The following RSPH3 variants were observed in gnomAD, a reference collection of about 807,000 sequenced individuals.
RSPH3 encodes radial spoke head protein 3 homolog.
A neutral mutation model predicts 43.8 loss-of-function variants in RSPH3; 21 were observed. The observed-to-expected ratio is 0.48, with a 90% CI of 0.34 to 0.69. RSPH3 has a LOEUF of 0.69. Ranked by LOEUF, RSPH3 falls within the 30% of genes least tolerant of loss-of-function variation. The pLI, the probability that RSPH3 is intolerant of heterozygous loss-of-function variation, is 0.01. For missense variants in RSPH3, 487 were observed against 516.0 expected, an observed-to-expected ratio of 0.94 and a Z score of 0.54; for synonymous variants, 173 against 179.8, an observed-to-expected ratio of 0.96 and a Z score of 0.30.
Position 158,999,425 on chromosome 6 carries a change from G to A in RSPH3, c.116+10C>T, listed in dbSNP as rs1440288759. 1 of 1,499,880 alleles carries A rather than the reference G, an allele frequency of 6.7e-7. No individual in the cohort carries two copies. The highest frequency in any genetic ancestry group is 1.4e-5 in the African/African-American group (1 of 71,556). The allele number at this position is 1,499,880 out of a possible 1,614,324, so 92.9% of individuals were successfully genotyped here. Reference sequence around the variant, plus strand: ...GTATGGACCACACAGGGGCTGGCTTGGTCACTCACGGCTGCGTCAGGCTGT... The same window carrying A: ...GTATGGACCACACAGGGGCTGGCTTAGTCACTCACGGCTGCGTCAGGCTGT... On this transcript the variant is annotated intron_variant, in intron 1 of 7. Transcript: ENST00000367069.
chr6:158,991,132 A>G (rs370621648), intron 2 of RSPH3, among the ~76,000 whole-genome samples: 23 of 152,020 alleles, frequency 1.5e-4, no homozygotes, highest in African/African-American at 5.6e-4. Flanking sequence ...ATAATTGCTC[A>G]CTTTTCATTG....
the RSPH3 span, among the ~76,000 whole-genome samples, chr6:158,967,301 C>T: frequency 6.6e-6 from 1 of 152,076 alleles, no homozygotes; most frequent in African/African-American, 2.4e-5. Flanking sequence ...TGGCCTATTT[C>T]TGTTTCTATT....
chr6:158,964,902 A>T, the RSPH3 span, among the ~76,000 whole-genome samples: 1 of 152,110 alleles, frequency 6.6e-6, no homozygotes, highest in Non-Finnish European at 1.5e-5. Context: ...CCACAGTCAC[A>T]ATGTTTTACT....
chr6:158,993,735 T>A lies in RSPH3; in HGVS notation c.204+104A>T, dbSNP rs573980647. On this transcript the variant is annotated intron_variant, in intron 2 of 7. Coordinates refer to ENST00000367069, the MANE Select transcript of RSPH3 (RefSeq NM_031924.8). Reference sequence around the variant, plus strand: ...TTTATAGTAATTCATCTTTATTTTATGAATGTTTTAGTCTGCAACGGATTA... The same window carrying A: ...TTTATAGTAATTCATCTTTATTTTAAGAATGTTTTAGTCTGCAACGGATTA... The A allele has an allele frequency of 4.9e-6, 3 of 611,960 alleles. No individual in the cohort carries two copies. In the South Asian group the frequency reaches 7.7e-5, roughly 16 times the overall value. The allele number at this position is 611,960 out of a possible 1,614,324, so 37.9% of individuals were successfully genotyped here.
In RSPH3 at chr6:158,999,462, C is replaced by T. The variant is rs756674375; in HGVS notation, c.89G>A (p.Ser30Asn). ...CTGCGTCAGGCTGTCCCGGTAACGG[C>T]TGCGCTGGCAGGGCAGTGCTCGGGG... The part of the protein sequence containing the change: ...SRPRALPCQR[S>N]RYRDSLTQPD... The change falls in exon 1 of 8, where the codon AGC becomes AAC. Residue 30 changes from serine (S) to asparagine (N), a missense_variant. Coordinates refer to ENST00000367069, the MANE Select transcript of RSPH3 (RefSeq NM_031924.8). 4.0e-6 allele frequency: 6 copies of T among 1,515,906 alleles called. No homozygotes were observed. The highest frequency in any genetic ancestry group is 2.3e-5 in the East Asian group (1 of 43,564). 93.9% of individuals were successfully genotyped at this position (1,515,906 alleles called of 1,614,324 possible). A position where few individuals can be genotyped will look rare whatever the true frequency, so the allele number is the denominator to read the frequency against.
Position 158,978,315 on chromosome 6 carries a change from C to T in RSPH3, c.891G>A (p.Met297Ile), listed in dbSNP as rs1282803881. 1.3e-6 allele frequency: 2 copies of T among 1,563,252 alleles called. No homozygotes were observed. The highest frequency in any genetic ancestry group is 3.4e-5 in the Admixed American group (2 of 59,614). The change falls in exon 7 of 8, where the codon ATG (methionine) becomes ATA (isoleucine). Residue 297 changes from methionine (M) to isoleucine (I), a missense_variant. By Grantham distance (10) the Met-to-Ile change is conservative (BLOSUM62 1). Coordinates refer to ENST00000367069, the MANE Select transcript of RSPH3 (RefSeq NM_031924.8). ...ATTCCATGGTTTTTTCAACTTCATT[C>T]ATTAGCCATGGAAGAAATCCTATCT... is the stretch of plus-strand genomic sequence containing the variant. ...DIEIGFLPWL[M>I]NEVEKTMEYS...
In RSPH3 at chr6:158,977,467, A is replaced by G; in HGVS notation, c.*71T>C. 5 of 1,305,982 alleles carry G rather than the reference A, an allele frequency of 3.8e-6. No individual in the cohort carries two copies. Among genetic ancestry groups the G allele is most frequent in the Non-Finnish European group, 5.3e-6 (5 of 946,936 alleles). The allele number at this position is 1,305,982 out of a possible 1,614,324, so 80.9% of individuals were successfully genotyped here. A position where few individuals can be genotyped will look rare whatever the true frequency, so the allele number is the denominator to read the frequency against. ...AACATAATTTCTATAACCTGAGGGG[A>G]CTCGCACATCATTACCTGATTGCTT... On this transcript the variant is annotated 3_prime_UTR_variant, in exon 8 of 8. Coordinates refer to ENST00000367069, the MANE Select transcript of RSPH3 (RefSeq NM_031924.8).
At chr6:158,984,416 C>T (rs994318522) in intron 3 of RSPH3, among the ~76,000 whole-genome samples, 1 of 105,204 alleles carries the variant, frequency 9.5e-6, no homozygotes, top group Non-Finnish European at 1.8e-5. Flanking sequence ...CAGAGTACAA[C>T]AGTGGATAAA....
At chr6:158,965,267 T>C in the RSPH3 span, among the ~76,000 whole-genome samples, 2,704 of 152,208 alleles carry the variant, frequency 0.018, 33 homozygotes, top group Middle Eastern at 0.024. Context: ...TACTAAGGTT[T>C]CCCTGTAATT....
intron 6 of RSPH3, among the ~76,000 whole-genome samples, chr6:158,979,508 T>G (rs115502009): frequency 6.6e-6 from 1 of 152,142 alleles, no homozygotes; most frequent in African/African-American, 2.4e-5. Context: ...ATATTTCCAC[T>G]GCCTGAGGAT....
At chr6:158,970,630 C>T (rs570317858), downstream of RSPH3, among the ~76,000 whole-genome samples, 1 of 152,148 alleles carries the variant, frequency 6.6e-6, no homozygotes, top group African/African-American at 2.4e-5. Context: ...ACTGCAACCT[C>T]CGCCTCCTGG....
chr6:158,966,097 A>T, the RSPH3 span, among the ~76,000 whole-genome samples: 6 of 152,218 alleles, frequency 3.9e-5, no homozygotes, highest in East Asian at 1.2e-3. Flanking sequence ...TTCAGGGTAC[A>T]TGTGCAGATT....
rs1778117225 is a variant in RSPH3 at position 158,983,739 on chromosome 6, A to G, written c.415T>C (p.Leu139=). 1 of 1,611,408 alleles carries G rather than the reference A, an allele frequency of 6.2e-7. No individual in the cohort carries two copies. Among genetic ancestry groups the G allele is most frequent in the Non-Finnish European group, 8.5e-7 (1 of 1,177,646 alleles). Residue 139 remains leucine (L), a synonymous_variant, in exon 4 of 8, where the codon TTG becomes CTG. Transcript: ENST00000367069. ...AAGAGTGGTGTTGGTGGTCTGTCCA[A>G]AAATGCATCTGTTTGGCATTCCATA... The part of the protein sequence containing the change: ...VDMECQTDAF[L]DRPPTPLFIP...
chr6:158,985,903 T>C (rs1295982221), intron 3 of RSPH3, among the ~76,000 whole-genome samples: 4 of 149,408 alleles, frequency 2.7e-5, no homozygotes, highest in African/African-American at 4.9e-5. Context: ...AACCTCCGCC[T>C]CCCGGGTTCA....
chr6:158,982,658 C>T lies in RSPH3; in HGVS notation c.523G>A (p.Val175Met). 6.2e-7 allele frequency: 1 copy of T among 1,613,680 alleles called. No homozygotes were observed. Among genetic ancestry groups the T allele is most frequent in the Non-Finnish European group, 8.5e-7 (1 of 1,179,808 alleles). ...LFDFDLEVKP[V>M]LEVLVGKTIE... ...GTCTTCCCCACCAAAACTTCTAACACTGGTTTAACTTCAAGATCAAAGTCA... is the reference window on the plus strand; with the variant it reads ...GTCTTCCCCACCAAAACTTCTAACATTGGTTTAACTTCAAGATCAAAGTCA... Residue 175 changes from valine to methionine, a missense_variant, in exon 5 of 8, where the codon GTG becomes ATG. Val to Met is a conservative substitution (Grantham distance 21). Transcript: ENST00000367069.
In RSPH3 at chr6:158,980,955, G is replaced by C; in HGVS notation, c.697-19C>G. The C allele has an allele frequency of 6.2e-7, 1 of 1,612,656 alleles. No individual in the cohort carries two copies. Among genetic ancestry groups the C allele is most frequent in the Non-Finnish European group, 8.5e-7 (1 of 1,178,802 alleles). On this transcript the variant is annotated intron_variant, in intron 5 of 7. Transcript: ENST00000367069. Reference sequence around the variant, plus strand: ...GCCGTTCCTGCCAAGAACGACAGAGGTGGTTATTTAGCTCTTATGCCCTCC... The same window carrying C: ...GCCGTTCCTGCCAAGAACGACAGAGCTGGTTATTTAGCTCTTATGCCCTCC...
rs116570823 is a variant in RSPH3, at chr6:158,984,941, C to A, written c.347-1134G>T. 8.2e-3 allele frequency among the ~76,000 whole-genome samples: 1,245 copies of A among 152,228 alleles called. 22 individuals carry two copies. The highest frequency in any genetic ancestry group is 0.028 in the African/African-American group (1,175 of 41,514). ...AGCCATACACTCATTCTAGACTTGG[C>A]CTAAAGGCAGGGGTTAAAGCATGGA... On this transcript the variant is annotated intron_variant, in intron 3 of 7. Coordinates refer to ENST00000367069, the MANE Select transcript of RSPH3 (RefSeq NM_031924.8).
At chr6:158,971,746 C>A (rs1777696211), downstream of RSPH3, among the ~76,000 whole-genome samples, 1 of 152,176 alleles carries the variant, frequency 6.6e-6, no homozygotes, top group Admixed American at 6.5e-5. Flanking sequence ...GCTCAAAACT[C>A]ATTTTGGCTT....
intron 1 of RSPH3, among the ~76,000 whole-genome samples, chr6:158,997,164 T>G (rs1270400787): frequency 1.3e-5 from 2 of 152,082 alleles, no homozygotes; most frequent in African/African-American, 4.8e-5. Context: ...CTTGTACTTC[T>G]CAGTCTGCAG....
Sources: gnomAD v4.1 joint callset for allele counts (sites outside exome capture counted in the v4.1 genomes callset) on GRCh38, gnomAD v4.1.1 for gene constraint, MANE v1.5 for transcripts, NCBI Gene and HGNC (gene_info 2026-07-23, HGNC 2026-07-21) for gene names.